Variants in ZNF880 observed in about 807,000 individuals in gnomAD.
ZNF880 encodes zinc finger protein 880.
Under a neutral mutation model 11.8 loss-of-function variants are expected in ZNF880, and 12 were observed. The observed-to-expected ratio is 1.02, with a 90% confidence interval of 0.65 to 1.65. The LOEUF (loss-of-function observed/expected upper bound fraction) is 1.65. Ranked by LOEUF, ZNF880 falls within the 40% of genes most tolerant of loss-of-function variation. ZNF880 has a pLI of 0.00. For missense variants in ZNF880, 601 were observed against 673.9 expected (o/e 0.89, Z 1.20); for synonymous variants, 210 against 232.4 (o/e 0.90, Z 0.88).
At chr19:52,371,085 CTA>C (rs1472741990) in intron 1 of ZNF880, among the ~76,000 whole-genome samples, 1 of 152,086 alleles carries the variant, frequency 6.6e-6, no homozygotes, top group African/African-American at 2.4e-5. Context: ...ATGAGCAAGT[CTA>C]TTGTTTTTAT....
At chr19:52,390,729 T>G (rs162126), downstream of ZNF880, 24,604 of 151,846 alleles carry the variant, frequency 0.16, 2,188 homozygotes, top group African/African-American at 0.24. Context: ...AGGTCAGGAG[T>G]TTTGAGACCA....
chr19:52,368,215 AAAT>A (rs869085808), upstream of ZNF880, among the ~76,000 whole-genome samples: 2,124 of 63,444 alleles, frequency 0.033, 61 homozygotes, highest in African/African-American at 0.2. Context: ...AAAAAAAAAA[AAAT>A]AATAATAATA....
chr19:52,395,478 C>T, the ZNF880 span: 1 of 152,220 alleles, frequency 6.6e-6, no homozygotes, highest in African/African-American at 2.4e-5. Flanking sequence ...CACATCCTTG[C>T]TTGTGAAGCA....
At chr19:52,373,258 GAAGTC>G in intron 2 of ZNF880, 21 bp downstream of exon 2, 2 of 1,603,960 alleles carry the variant, frequency 1.2e-6, no homozygotes, top group Admixed American at 3.4e-5. Flanking sequence ...TGTCCCTTCA[GAAGTC>G]AAGATCTGCC....
chr19:52,385,429 G>C lies in ZNF880; in HGVS notation c.*115G>C. On this transcript the variant is annotated 3_prime_UTR_variant, in exon 4 of 4. Transcript: ENST00000422689. ...GGCAAACTCTTCATGCTAAGTTCTA[G>C]CATTAATCAACATCAGAGATTCCAT... 8.2e-7 allele frequency: 1 copy of C among 1,212,948 alleles called. No individual in the cohort carries two copies. 75.1% of individuals were successfully genotyped at this position (1,212,948 alleles called of 1,614,324 possible).
At chr19:52,380,379 A>G (rs548643150) in intron 3 of ZNF880, among the ~76,000 whole-genome samples, 96 of 151,788 alleles carry the variant, frequency 6.3e-4, no homozygotes, top group Middle Eastern at 3.4e-3. Flanking sequence ...CATTTTTCCA[A>G]TGATTAGTGG....
chr19:52,393,124 G>A, the ZNF880 span, among the ~76,000 whole-genome samples: 1 of 150,556 alleles, frequency 6.6e-6, no homozygotes, highest in Non-Finnish European at 1.5e-5. Context: ...CCAGGCTGGA[G>A]TACAGTGGCG....
At chr19:52,368,936 T>G (rs992589626), upstream of ZNF880, among the ~76,000 whole-genome samples, 11 of 119,946 alleles carry the variant, frequency 9.2e-5, no homozygotes, top group Non-Finnish European at 1.3e-4. Flanking sequence ...CAGTGAGCTG[T>G]CTGCACTTCA....
rs75995510 is a variant in ZNF880 at position 52,378,372 on chromosome 19, C to T, written c.268+3945C>T. Among the ~76,000 whole-genome samples the T allele has an allele frequency of 1.1e-3, 169 of 152,094 alleles. 2 individuals carry two copies. The East Asian group carries it at 0.03, about 27-fold the overall frequency. On this transcript the variant is annotated intron_variant, in intron 3 of 3. Transcript: ENST00000422689. ...GACAGAAGGATCCTTTAGGCCGGGG[C>T]GGTGTCTCACGCCTGTAATCCCAGC...
At chr19:52,380,312 T>A (rs1986672705) in intron 3 of ZNF880, among the ~76,000 whole-genome samples, 2 of 151,978 alleles carry the variant, frequency 1.3e-5, no homozygotes, top group African/African-American at 4.8e-5. Context: ...GTTTTTTTTT[T>A]AACAATAAAT....
intron 3 of ZNF880, among the ~76,000 whole-genome samples, chr19:52,375,563 C>G (rs906375267): frequency 6.6e-6 from 1 of 151,998 alleles, no homozygotes; most frequent in Non-Finnish European, 1.5e-5. Context: ...TAGATAAGTT[C>G]TTTAGTGGTG....
chr19:52,374,332 T>C lies in ZNF880; in HGVS notation c.173T>C (p.Met58Thr). The C allele has an allele frequency of 6.2e-7, 1 of 1,613,776 alleles. No homozygotes were observed. Residue 58 changes from methionine (M) to threonine (T), a missense_variant, in exon 3 of 4, where the codon ATG becomes ACG. By Grantham distance (81) the Met-to-Thr change is moderately conservative (BLOSUM62 -1). This residue lies in a region of ZNF880 where 420 missense variants were observed against 442.6 expected (regional missense o/e 0.95). Coordinates refer to ENST00000422689, the MANE Select transcript of ZNF880 (RefSeq NM_001145434.2). ...ICLPDLSVIS[M>T]LEQRRDPRNL... ...CTTCCTGACCTGAGTGTTATCTCCA[T>C]GTTGGAGCAAAGGAGAGATCCCCGG...
At chr19:52,374,751 T>C (rs1986503852) in intron 3 of ZNF880, 1 of 574,418 alleles carries the variant, frequency 1.7e-6, no homozygotes, top group African/African-American at 1.9e-5. Flanking sequence ...CTTGTTTTGT[T>C]GAGACAAGTT....
At chr19:52,379,353 T>G (rs895659598) in intron 3 of ZNF880, 1 of 412,942 alleles carries the variant, frequency 2.4e-6, no homozygotes, top group Non-Finnish European at 4.7e-6. Flanking sequence ...AATATTTTTG[T>G]CAGTTACGTT....
chr19:52,373,863 G>A (rs1014322411), intron 2 of ZNF880, among the ~76,000 whole-genome samples: 11 of 151,142 alleles, frequency 7.3e-5, no homozygotes, highest in Admixed American at 2.6e-4. Flanking sequence ...TGGAGATGGG[G>A]TTTCACCATA....
chr19:52,381,813 T>C (rs1986715224), intron 3 of ZNF880, among the ~76,000 whole-genome samples: 1 of 144,418 alleles, frequency 6.9e-6, no homozygotes, highest in Non-Finnish European at 1.5e-5. Flanking sequence ...ATTCTATTTT[T>C]AAATATTAAC....
the ZNF880 span, among the ~76,000 whole-genome samples, chr19:52,393,986 GCCA>G: frequency 6.6e-6 from 1 of 151,304 alleles, no homozygotes; most frequent in African/African-American, 2.4e-5. Flanking sequence ...ACAGGCACCC[GCCA>G]CCACACCTGG....
the ZNF880 span, among the ~76,000 whole-genome samples, chr19:52,393,913 T>C: frequency 6.5e-5 from 9 of 139,042 alleles, no homozygotes; most frequent in East Asian, 2.4e-4. Flanking sequence ...CTCAGCTCAC[T>C]GCAAGCTCCG....
rs1986810444 is a variant in ZNF880, at chr19:52,384,599, C to G, written c.1019C>G (p.Thr340Ser). Residue 340 changes from threonine (T) to serine (S), a missense_variant, in exon 4 of 4, where the codon ACT (threonine) becomes AGT (serine). Thr to Ser is a moderately conservative substitution (Grantham distance 58, BLOSUM62 1). Transcript: ENST00000422689. ...GCATTTTCAGGGGGTTCAGGCCTTA[C>G]TGCTCATCTTGTAATTCACACTGGA... The part of the protein sequence containing the change: ...GKAFSGGSGL[T>S]AHLVIHTGEK... 2.5e-6 allele frequency: 4 copies of G among 1,612,844 alleles called. No homozygotes were observed. The highest frequency in any genetic ancestry group is 3.4e-6 in the Non-Finnish European group (4 of 1,179,428).
Sources: gnomAD v4.1 joint callset for allele counts (sites outside exome capture counted in the v4.1 genomes callset) on GRCh38, gnomAD v4.1.1 for gene constraint, gnomAD v4.1.1 regional missense constraint, MANE v1.5 for transcripts, NCBI Gene and HGNC (gene_info 2026-07-23, HGNC 2026-07-21) for gene names.